The following PRORP variants were observed in gnomAD, a reference collection of about 807,000 sequenced individuals.
The protein encoded by PRORP is protein only RNase P catalytic subunit, also known as mitochondrial ribonuclease P catalytic subunit.
A neutral mutation model predicts 59.4 loss-of-function variants in PRORP; 51 were observed. That is an observed-to-expected ratio of 0.86 (90% CI 0.69 to 1.08). The LOEUF (loss-of-function observed/expected upper bound fraction) is 1.08, where lower values mean the gene tolerates loss of function less well. Among genes scored for constraint, PRORP ranks in the 50% least tolerant of loss-of-function variants. The pLI is 0.00. For missense variants in PRORP, 646 were observed against 690.3 expected (o/e 0.94, Z 0.72); for synonymous variants, 231 against 245.6 (o/e 0.94, Z 0.55).
chr14:35,245,871 G>A (rs1215171196), intron 5 of PRORP, among the ~76,000 whole-genome samples: 3 of 152,156 alleles, frequency 2.0e-5, no homozygotes, highest in Non-Finnish European at 4.4e-5. Flanking sequence ...TCTCTTTAGT[G>A]AAAAGTTCTC....
At chr14:35,177,348 A>G (rs9743524) in intron 4 of PRORP, among the ~76,000 whole-genome samples, 28,061 of 152,110 alleles carry the variant, frequency 0.18, 2,853 homozygotes, top group Admixed American at 0.27. Flanking sequence ...CTCTGGTAGA[A>G]TTTGGCTGTG....
At chr14:35,215,585 C>CA (rs895936157) in intron 5 of PRORP, among the ~76,000 whole-genome samples, 24 of 149,194 alleles carry the variant, frequency 1.6e-4, no homozygotes, top group East Asian at 3.9e-4. Context: ...GACCGTGACT[C>CA]AAAAAAAAAA....
At chr14:35,259,873 G>A (rs184548531) in intron 5 of PRORP, among the ~76,000 whole-genome samples, 166 of 152,038 alleles carry the variant, frequency 1.1e-3, no homozygotes, top group Admixed American at 1.9e-3. Flanking sequence ...CCAGCCTGGC[G>A]GACAGCGAGA....
chr14:35,123,704 C>T lies in PRORP; in HGVS notation c.459C>T (p.Ser153=). The T allele has an allele frequency of 6.2e-7, 1 of 1,614,192 alleles. No homozygotes were observed. Among genetic ancestry groups the T allele is most frequent in the Non-Finnish European group, 8.5e-7 (1 of 1,180,038 alleles). Residue 153 remains serine, a synonymous_variant, in exon 2 of 8, where the codon AGC becomes AGT. Transcript: ENST00000534898. Reference sequence around the variant, plus strand: ...TTTCACAGATGGCTGGCTGTCATAGCTCTATAGATGTGGCTAAATCTCTGC... The same window carrying T: ...TTTCACAGATGGCTGGCTGTCATAGTTCTATAGATGTGGCTAAATCTCTGC... ...WIISQMAGCH[S]SIDVAKSLLA...
intron 5 of PRORP, among the ~76,000 whole-genome samples, chr14:35,194,943 A>C (rs559820888): frequency 5.3e-5 from 8 of 151,944 alleles, no homozygotes; most frequent in African/African-American, 9.7e-5. Context: ...ATAATTAAGA[A>C]GGCAAGAAAA....
chr14:35,229,626 A>C (rs996820318), intron 5 of PRORP, among the ~76,000 whole-genome samples: 1 of 152,174 alleles, frequency 6.6e-6, no homozygotes, highest in Non-Finnish European at 1.5e-5. Context: ...TTTTCATTTC[A>C]GTTACTCCCC....
At chr14:35,131,152 A>G (rs2047228320) in intron 4 of PRORP, among the ~76,000 whole-genome samples, 2 of 151,764 alleles carry the variant, frequency 1.3e-5, no homozygotes, top group Admixed American at 1.3e-4. Flanking sequence ...CATGTTGACC[A>G]GGCTGGTCTT....
chr14:35,163,127 C>T (rs540819594), intron 4 of PRORP, among the ~76,000 whole-genome samples: 1 of 151,966 alleles, frequency 6.6e-6, no homozygotes, highest in East Asian at 1.9e-4. Flanking sequence ...TATTATAGGC[C>T]TCTGATAAAA....
Position 35,127,536 on chromosome 14 carries a change from A to T in PRORP, c.1092A>T (p.Glu364Asp). The T allele has an allele frequency of 6.2e-7, 1 of 1,613,782 alleles. No homozygotes were observed. The highest frequency in any genetic ancestry group is 8.5e-7 in the Non-Finnish European group (1 of 1,179,660). The part of the protein sequence containing the change: ...TIESIQLSPE[E>D]YECLKGKIMR... ...AGTCTATTCAGCTGAGTCCAGAAGA[A>T]TATGAATGTCTTAAGGGAAAAATCA... is the stretch of plus-strand genomic sequence containing the variant. The change falls in exon 4 of 8, where the codon GAA becomes GAT. Residue 364 changes from glutamate (E) to aspartate (D), a missense_variant. Transcript: ENST00000534898.
chr14:35,170,535 A>G (rs1042604947), intron 4 of PRORP, among the ~76,000 whole-genome samples: 3 of 152,194 alleles, frequency 2.0e-5, no homozygotes, highest in African/African-American at 4.8e-5. Flanking sequence ...ATGAAATATA[A>G]GAACATTATA....
At chr14:35,218,458 C>CTT (rs201732530) in intron 5 of PRORP, among the ~76,000 whole-genome samples, 2 of 8,358 alleles carry the variant, frequency 2.4e-4, no homozygotes, top group African/African-American at 7.4e-4. Context: ...AAGATCCTGT[C>CTT]TAAAAAAAGA....
intron 5 of PRORP, among the ~76,000 whole-genome samples, chr14:35,203,111 G>T (rs1369201466): frequency 6.6e-6 from 1 of 152,126 alleles, no homozygotes; most frequent in African/African-American, 2.4e-5. Context: ...TACTGGAAAT[G>T]CAAAGAAAAG....
At chr14:35,152,053 G>A (rs1028419170) in intron 4 of PRORP, among the ~76,000 whole-genome samples, 2 of 151,892 alleles carry the variant, frequency 1.3e-5, no homozygotes, top group Non-Finnish European at 2.9e-5. Context: ...AAAGGTCTCC[G>A]GTTTTCCTAG....
At chr14:35,184,702 G>A (rs2048701117) in intron 5 of PRORP, among the ~76,000 whole-genome samples, 1 of 152,030 alleles carries the variant, frequency 6.6e-6, no homozygotes, top group East Asian at 1.9e-4. Flanking sequence ...AGACCCCAGT[G>A]TCTGTTGTTT....
chr14:35,263,351 A>G (rs2050954521), intron 5 of PRORP, among the ~76,000 whole-genome samples: 1 of 152,222 alleles, frequency 6.6e-6, no homozygotes, highest in Admixed American at 6.5e-5. Context: ...CAATGTGTGT[A>G]GAGCCAGCAT....
At chr14:35,217,239 G>A (rs1276373356) in intron 5 of PRORP, among the ~76,000 whole-genome samples, 2 of 151,848 alleles carry the variant, frequency 1.3e-5, no homozygotes, top group Non-Finnish European at 2.9e-5. Flanking sequence ...AGTGGCTCAC[G>A]CCTGTAATCC....
chr14:35,263,550 G>A (rs1594355932), intron 5 of PRORP, among the ~76,000 whole-genome samples: 1 of 39,076 alleles, frequency 2.6e-5, no homozygotes, highest in Non-Finnish European at 8.7e-5. Flanking sequence ...AGCCAGGCAT[G>A]GGTGGCAGGT....
intron 4 of PRORP, among the ~76,000 whole-genome samples, chr14:35,128,271 G>GT (rs1204981038): frequency 1.4e-5 from 2 of 143,774 alleles, no homozygotes; most frequent in Non-Finnish European, 1.5e-5. Flanking sequence ...TTGGCCTGTA[G>GT]TTTTTTGTTT....
Position 35,152,082 on chromosome 14 carries a change from C to T in PRORP, c.1167+24471C>T, listed in dbSNP as rs1395616812. 9.2e-5 allele frequency among the ~76,000 whole-genome samples: 14 copies of T among 152,214 alleles called. No individual in the cohort carries two copies. The South Asian group carries it at 1.5e-3, about 16-fold the overall frequency. ...TTCCTAGGCAGAGGACCCTGCGGCC[C>T]TCCGCAGTGTCTGTGTCCCTGGGTA... On this transcript the variant is annotated intron_variant, in intron 4 of 7. Transcript: ENST00000534898.
Sources: gnomAD v4.1 joint callset for allele counts (sites outside exome capture counted in the v4.1 genomes callset) on GRCh38, gnomAD v4.1.1 for gene constraint, MANE v1.5 for transcripts, NCBI Gene and HGNC (gene_info 2026-07-23, HGNC 2026-07-21) for gene names.